Variants in PRAG1 observed in about 807,000 individuals in gnomAD.
PRAG1 encodes the protein inactive tyrosine-protein kinase PRAG1.
A neutral mutation model predicts 95.6 loss-of-function variants in PRAG1; 110 were observed. The observed-to-expected ratio is 1.15, with a 90% confidence interval of 0.99 to 1.35. The LOEUF (loss-of-function observed/expected upper bound fraction) is 1.35, where lower values mean the gene tolerates loss of function less well. Ranked by LOEUF, PRAG1 falls within the 40% of genes most tolerant of loss-of-function variation. PRAG1 has a pLI of 0.00. For synonymous variants in PRAG1, 1,052 were observed against 819.4 expected, an observed-to-expected ratio of 1.28 and a Z score of -4.85; for missense variants, 2,554 against 1,864.7, an observed-to-expected ratio of 1.37 and a Z score of -6.81.
At chr8:8,325,378 C>T (rs1049619695) in intron 5 of PRAG1, among the ~76,000 whole-genome samples, 4 of 152,168 alleles carry the variant, frequency 2.6e-5, no homozygotes, top group Admixed American at 6.5e-5. Flanking sequence ...TGAGCTACCA[C>T]GTCTCCAGGA....
chr8:8,370,703 T>C (rs1053760515), intron 3 of PRAG1, among the ~76,000 whole-genome samples: 2 of 152,206 alleles, frequency 1.3e-5, no homozygotes, highest in African/African-American at 4.8e-5. Flanking sequence ...TCCCGGTTCA[T>C]GCCCAGAGAT....
intron 3 of PRAG1, among the ~76,000 whole-genome samples, chr8:8,375,089 A>C (rs2116928317): frequency 6.6e-6 from 1 of 152,330 alleles, no homozygotes; most frequent in Middle Eastern, 3.4e-3. Context: ...AAAAAAAAAA[A>C]AAATTTATTT....
intron 3 of PRAG1, among the ~76,000 whole-genome samples, chr8:8,342,760 C>G (rs747124957): frequency 3.9e-5 from 6 of 151,978 alleles, no homozygotes; most frequent in Non-Finnish European, 8.8e-5. Context: ...CGTGTAGAAA[C>G]ACGAATTTTC....
At chr8:8,365,160 G>C (rs575017489) in intron 3 of PRAG1, among the ~76,000 whole-genome samples, 52 of 152,300 alleles carry the variant, frequency 3.4e-4, no homozygotes, top group Admixed American at 7.2e-4. Flanking sequence ...CAGTGGAGAA[G>C]ATTCAGAAAA....
rs746968375 is a variant in PRAG1, at chr8:8,319,258, C to G, written c.3117G>C (p.Pro1039=). 5.2e-6 allele frequency: 8 copies of G among 1,536,552 alleles called. No individual in the cohort carries two copies. Among genetic ancestry groups the G allele is most frequent in the Non-Finnish European group, 7.0e-6 (8 of 1,135,618 alleles). The change falls in exon 6 of 6, where the codon CCG becomes CCC. Residue 1039 remains proline, a synonymous_variant. Transcript: ENST00000615670. ...GGATGTTAAAGTGCACGGGCACGGA[C>G]GGGCTGCAGTAGGAGACTGTTTTGG... The part of the protein sequence containing the change: ...PEPKTVSYCS[P]SVPVHFNIQQ...
At chr8:8,352,277 C>T (rs1434817142) in intron 3 of PRAG1, among the ~76,000 whole-genome samples, 2 of 152,314 alleles carry the variant, frequency 1.3e-5, no homozygotes, top group East Asian at 3.9e-4. Flanking sequence ...ATTCTTCACT[C>T]TCTTATCTGC....
At chr8:8,336,414 C>T (rs146562621) in intron 4 of PRAG1, among the ~76,000 whole-genome samples, 27 of 152,298 alleles carry the variant, frequency 1.8e-4, no homozygotes, top group African/African-American at 6.5e-4. Context: ...TGGATCTGTC[C>T]TGACACATGC....
chr8:8,318,051 C>T lies in PRAG1; in HGVS notation c.*103G>A. On this transcript the variant is annotated 3_prime_UTR_variant, in exon 6 of 6. Transcript: ENST00000615670. This position sits in a 1 kb window ranked among gnomAD's most constrained non-coding sequence, Gnocchi z 4.2. ...TTATATATTTTACATCCAGGTATCC[C>T]AGTCATCTGTACCATTTCCCAGGGA... 1 of 1,040,104 alleles carries T rather than the reference C, an allele frequency of 9.6e-7. No homozygotes were observed. Among genetic ancestry groups the T allele is most frequent in the Non-Finnish European group, 1.4e-6 (1 of 737,364 alleles). 64.4% of individuals were successfully genotyped at this position (1,040,104 alleles called of 1,614,324 possible).
chr8:8,364,222 G>A (rs985999517), intron 3 of PRAG1, among the ~76,000 whole-genome samples: 1 of 152,164 alleles, frequency 6.6e-6, no homozygotes, highest in African/African-American at 2.4e-5. Context: ...TCAATCTGAT[G>A]GACATAATGT....
intron 3 of PRAG1, among the ~76,000 whole-genome samples, chr8:8,366,249 G>A (rs903455361): frequency 7.3e-5 from 11 of 151,636 alleles, no homozygotes; most frequent in African/African-American, 2.4e-4. Context: ...AAAGAGAATG[G>A]CCGTCATCTG....
At chr8:8,331,057 C>T (rs1260034480) in intron 4 of PRAG1, among the ~76,000 whole-genome samples, 1 of 152,166 alleles carries the variant, frequency 6.6e-6, no homozygotes, top group South Asian at 2.1e-4. Context: ...TTATCATCAA[C>T]ACAACAGAAG....
intron 3 of PRAG1, among the ~76,000 whole-genome samples, chr8:8,357,912 G>C (rs953670433): frequency 2.0e-5 from 3 of 152,178 alleles, no homozygotes; most frequent in Non-Finnish European, 4.4e-5. Flanking sequence ...GATCTTGTTA[G>C]TTGTCCACCC....
intron 4 of PRAG1, among the ~76,000 whole-genome samples, chr8:8,334,419 G>A (rs1424791503): frequency 6.7e-6 from 1 of 148,862 alleles, no homozygotes; most frequent in Non-Finnish European, 1.5e-5. Flanking sequence ...CTTGGTGACC[G>A]AGTGAGACTC....
chr8:8,332,035 T>C (rs1415238769), intron 4 of PRAG1, among the ~76,000 whole-genome samples: 1 of 152,134 alleles, frequency 6.6e-6, no homozygotes, highest in Non-Finnish European at 1.5e-5. Flanking sequence ...TACCCAAACA[T>C]TCCCTATCCA....
intron 4 of PRAG1, among the ~76,000 whole-genome samples, chr8:8,331,461 T>C (rs1375333723): frequency 6.6e-6 from 1 of 152,164 alleles, no homozygotes; most frequent in Non-Finnish European, 1.5e-5. Context: ...TAATAGTCTA[T>C]AATTTCAGCT....
At chr8:8,345,367 C>CAAAAAAAA (rs202100503) in intron 3 of PRAG1, among the ~76,000 whole-genome samples, 2 of 79,046 alleles carry the variant, frequency 2.5e-5, no homozygotes. Context: ...CCTGTCTCTA[C>CAAAAAAAA]AAAAAAAAAA....
intron 3 of PRAG1, among the ~76,000 whole-genome samples, chr8:8,365,790 CTA>C (rs60657487): frequency 4.0e-5 from 6 of 148,374 alleles, no homozygotes; most frequent in Admixed American, 6.7e-5. Context: ...TGGTGAAACC[CTA>C]TATATATATA....
chr8:8,334,951 G>T (rs530290267), intron 4 of PRAG1, among the ~76,000 whole-genome samples: 1 of 151,924 alleles, frequency 6.6e-6, no homozygotes, highest in African/African-American at 2.4e-5. Flanking sequence ...GCGTGGTGGC[G>T]CGCATGCAGT....
chr8:8,340,975 T>C (rs988658488), intron 3 of PRAG1, among the ~76,000 whole-genome samples: 13 of 152,242 alleles, frequency 8.5e-5, no homozygotes, highest in Admixed American at 8.5e-4. Flanking sequence ...CCTAATCTCC[T>C]GGCAAAATAA....
Sources: allele counts gnomAD v4.1 joint callset (sites outside exome capture counted in the v4.1 genomes callset), GRCh38; gene constraint gnomAD v4.1.1; non-coding constraint Gnocchi (gnomAD v3.1); transcripts MANE v1.5; gene names NCBI Gene and HGNC (gene_info 2026-07-23, HGNC 2026-07-21).